KCND2: variants seen among roughly 807,000 people sequenced by gnomAD.
The protein encoded by KCND2 is potassium voltage-gated channel subfamily D member 2.
A neutral mutation model predicts 54.4 loss-of-function variants in KCND2; 16 were observed. The observed-to-expected ratio is 0.29, with a 90% confidence interval of 0.20 to 0.45. The LOEUF (loss-of-function observed/expected upper bound fraction) is 0.45. Among genes scored for constraint, KCND2 ranks in the 20% least tolerant of loss-of-function variants. The pLI is 1.00. For missense variants in KCND2, 486 were observed against 824.2 expected (o/e 0.59, Z 5.02); for synonymous variants, 317 against 310.7 (o/e 1.02, Z -0.21).
At chr7:120,344,618 T>G (rs1800287639) in intron 1 of KCND2, among the ~76,000 whole-genome samples, 1 of 152,156 alleles carries the variant, frequency 6.6e-6, no homozygotes, top group Non-Finnish European at 1.5e-5. Flanking sequence ...AGAGGTAAAC[T>G]TTTATTTAGG....
rs1355712111 is a variant in KCND2, at chr7:120,650,942, C to T, written c.1116-81961C>T. ...CTGCAGAACAGCAAATATTGCTGAA[C>T]AGCAAACGTTGCCACCTGATCGTTC... is the stretch of plus-strand genomic sequence containing the variant. On this transcript the variant is annotated intron_variant, in intron 1 of 5. Transcript: ENST00000331113. Among the ~76,000 whole-genome samples, 16 of 143,434 alleles carry T rather than the reference C, an allele frequency of 1.1e-4. 3 individuals are homozygous for T. Among genetic ancestry groups the T allele is most frequent in the African/African-American group, 4.4e-4 (16 of 36,504 alleles). The allele number at this position is 143,434 out of a possible 152,430, so 94.1% of individuals were successfully genotyped here.
At chr7:120,338,625 A>C (rs1477858982) in intron 1 of KCND2, among the ~76,000 whole-genome samples, 3 of 152,090 alleles carry the variant, frequency 2.0e-5, no homozygotes, top group African/African-American at 7.2e-5. Context: ...TATAATGAGA[A>C]AACTTACAAA....
At chr7:120,558,121 TGTC>T (rs1373834291) in intron 1 of KCND2, among the ~76,000 whole-genome samples, 2 of 152,184 alleles carry the variant, frequency 1.3e-5, no homozygotes, top group African/African-American at 4.8e-5. Flanking sequence ...CTTTCAAAAT[TGTC>T]ATACAAATTT....
chr7:120,408,454 T>C (rs575960960), intron 1 of KCND2, among the ~76,000 whole-genome samples: 1 of 151,942 alleles, frequency 6.6e-6, no homozygotes, highest in East Asian at 1.9e-4. Context: ...ATATAACATG[T>C]AAAGACAGGG....
At chr7:120,348,955 C>T (rs918850722) in intron 1 of KCND2, among the ~76,000 whole-genome samples, 1 of 151,966 alleles carries the variant, frequency 6.6e-6, no homozygotes, top group Non-Finnish European at 1.5e-5. Context: ...CTAGGGGGCT[C>T]ATAATAATAT....
intron 1 of KCND2, among the ~76,000 whole-genome samples, chr7:120,496,324 G>A (rs1318830343): frequency 6.6e-6 from 1 of 152,104 alleles, no homozygotes; most frequent in Admixed American, 6.5e-5. Flanking sequence ...GTTGGAGTCA[G>A]ATGAGAAGGC....
intron 2 of KCND2, among the ~76,000 whole-genome samples, chr7:120,737,434 C>G (rs1792889541): frequency 6.6e-6 from 1 of 151,980 alleles, no homozygotes; most frequent in Non-Finnish European, 1.5e-5. Flanking sequence ...CTCACCGCTT[C>G]CACCATGGAA....
intron 1 of KCND2, among the ~76,000 whole-genome samples, chr7:120,594,268 ATTAAG>A (rs1395119802): frequency 2.6e-5 from 4 of 152,222 alleles, no homozygotes; most frequent in Admixed American, 1.3e-4. Context: ...ACAAGTAGTT[ATTAAG>A]TTAATTCCTA....
At chr7:120,360,805 C>G (rs1800581656) in intron 1 of KCND2, among the ~76,000 whole-genome samples, 1 of 151,952 alleles carries the variant, frequency 6.6e-6, no homozygotes, top group African/African-American at 2.4e-5. Context: ...TATAAGAAAA[C>G]AATGGATGGA....
chr7:120,500,215 G>GTC (rs1282818765), intron 1 of KCND2, among the ~76,000 whole-genome samples: 1 of 152,078 alleles, frequency 6.6e-6, no homozygotes, highest in Admixed American at 6.6e-5. Flanking sequence ...TAAGAGCATA[G>GTC]TCCAGAAGTG....
At chr7:120,710,412 C>G (rs1222101105) in intron 1 of KCND2, among the ~76,000 whole-genome samples, 2 of 152,046 alleles carry the variant, frequency 1.3e-5, no homozygotes, top group Non-Finnish European at 2.9e-5. Flanking sequence ...TGAAATTGAA[C>G]AAAAGTTGAA....
At chr7:120,408,254 A>C (rs1801392433) in intron 1 of KCND2, among the ~76,000 whole-genome samples, 1 of 151,970 alleles carries the variant, frequency 6.6e-6, no homozygotes, top group African/African-American at 2.4e-5. Context: ...GAGCAGAATG[A>C]GATGTGGGTT....
intron 1 of KCND2, among the ~76,000 whole-genome samples, chr7:120,289,063 CACACACACACACACAG>C (rs1410971240): frequency 5.3e-5 from 2 of 37,460 alleles, no homozygotes; most frequent in African/African-American, 7.9e-5. Flanking sequence ...CACACACACA[CACACACACACACACAG>C]AGAGAGAGAG....
At chr7:120,563,694 T>C (rs1368733993) in intron 1 of KCND2, among the ~76,000 whole-genome samples, 2 of 152,162 alleles carry the variant, frequency 1.3e-5, no homozygotes, top group Non-Finnish European at 2.9e-5. Flanking sequence ...CCTCACAGTA[T>C]TTCAAATACT....
rs556064590 is a variant in KCND2 at position 120,501,353 on chromosome 7, A to G, written c.1115+225606A>G. Among the ~76,000 whole-genome samples the G allele has an allele frequency of 4.9e-4, 75 of 152,264 alleles. 1 individual carries two copies. The South Asian group carries it at 0.016, about 32-fold the overall frequency. On this transcript the variant is annotated intron_variant, in intron 1 of 5. Transcript: ENST00000331113. ...GAAATATTTATATGACAGGTCCCTT[A>G]AGATTTTGTACATCGTAGAAGAGAA...
At chr7:120,667,968 A>G (rs1258626125) in intron 1 of KCND2, among the ~76,000 whole-genome samples, 1 of 152,058 alleles carries the variant, frequency 6.6e-6, no homozygotes, top group Non-Finnish European at 1.5e-5. Context: ...GCCAGAAAAA[A>G]AAGAGTACAT....
Position 120,599,913 on chromosome 7 carries a change from A to T in KCND2, c.1116-132990A>T, listed in dbSNP as rs966635202. 2.0e-5 allele frequency among the ~76,000 whole-genome samples: 3 copies of T among 152,060 alleles called. No individual in the cohort carries two copies. In the East Asian group the frequency reaches 5.8e-4, roughly 29 times the overall value. ...TGTTTTTCTTTCACAGTTAATTATG[A>T]TGTTGACTCTAAGTTTCTTGTAGAT... On this transcript the variant is annotated intron_variant, in intron 1 of 5. Coordinates refer to ENST00000331113, the MANE Select transcript of KCND2 (RefSeq NM_012281.3).
In KCND2 at chr7:120,749,425, A is replaced by G. The variant is rs1793045697; in HGVS notation, c.*1567A>G. The G allele has an allele frequency of 6.6e-6, 1 of 152,354 alleles. No individual in the cohort carries two copies. The highest frequency in any genetic ancestry group is 2.4e-5 in the African/African-American group (1 of 41,446). 9.4% of individuals were successfully genotyped at this position (152,354 alleles called of 1,614,324 possible). A position where few individuals can be genotyped will look rare whatever the true frequency, so the allele number is the denominator to read the frequency against. On this transcript the variant is annotated 3_prime_UTR_variant, in exon 6 of 6. Transcript: ENST00000331113. ...ACATGTCTGCACATGACAGTGTAAA[A>G]AAGTTTAATGTCAAATGCAAAGTTT...
intron 1 of KCND2, among the ~76,000 whole-genome samples, chr7:120,363,542 A>G (rs1800625653): frequency 6.6e-6 from 1 of 152,066 alleles, no homozygotes; most frequent in Non-Finnish European, 1.5e-5. Flanking sequence ...CCAGAGAGCA[A>G]CCACTTCTCC....
Sources: allele counts gnomAD v4.1 joint callset (sites outside exome capture counted in the v4.1 genomes callset), GRCh38; gene constraint gnomAD v4.1.1; transcripts MANE v1.5; gene names NCBI Gene and HGNC (gene_info 2026-07-23, HGNC 2026-07-21).